NBAS: variants seen among roughly 807,000 people sequenced by gnomAD.
NBAS encodes NBAS subunit of NRZ tethering complex.
In NBAS, 219 loss-of-function variants were observed where a neutral mutation model predicts 302.5. That is an observed-to-expected ratio of 0.72 (90% CI 0.65 to 0.81). The LOEUF (loss-of-function observed/expected upper bound fraction) is 0.81, where lower values mean the gene tolerates loss of function less well. Among genes scored for constraint, NBAS ranks in the 30% least tolerant of loss-of-function variants. The pLI, the probability that NBAS is intolerant of heterozygous loss-of-function variation, is 0.00. For synonymous variants in NBAS, 1,118 were observed against 1,021.6 expected (o/e 1.09, Z -1.80); for missense variants, 2,932 against 2,841.6 (o/e 1.03, Z -0.72).
chr2:15,034,805 G>A, the NBAS span, among the ~76,000 whole-genome samples: 6 of 152,096 alleles, frequency 3.9e-5, no homozygotes, highest in African/African-American at 1.2e-4. Flanking sequence ...AACCACTTCT[G>A]TAATACCAGC....
At chr2:14,925,625 AT>A in the NBAS span, among the ~76,000 whole-genome samples, 1 of 152,128 alleles carries the variant, frequency 6.6e-6, no homozygotes, top group Non-Finnish European at 1.5e-5. Flanking sequence ...TCATGGCAAA[AT>A]TGCATTCATC....
At chr2:15,510,257 C>G (rs898977018) in intron 10 of NBAS, among the ~76,000 whole-genome samples, 23 of 152,198 alleles carry the variant, frequency 1.5e-4, no homozygotes, top group African/African-American at 5.5e-4. Flanking sequence ...TTTTTCACAT[C>G]TTTCTGGACA....
At chr2:15,528,418 T>C (rs997268262) in intron 9 of NBAS, among the ~76,000 whole-genome samples, 11 of 147,914 alleles carry the variant, frequency 7.4e-5, no homozygotes, top group Non-Finnish European at 1.3e-4. Flanking sequence ...ATTATTTATA[T>C]TATGTTTATA....
chr2:15,299,320 T>C (rs1021502590), intron 40 of NBAS, among the ~76,000 whole-genome samples: 1 of 152,212 alleles, frequency 6.6e-6, no homozygotes, highest in Non-Finnish European at 1.5e-5. Context: ...TATGATTTCT[T>C]TAAAGAATAT....
At chr2:15,219,800 C>G (rs1431570689) in intron 47 of NBAS, among the ~76,000 whole-genome samples, 1 of 140,304 alleles carries the variant, frequency 7.1e-6, no homozygotes, top group Non-Finnish European at 1.6e-5. Context: ...TCCACAAAAC[C>G]GCCATTGTCA....
At chr2:14,796,695 T>C in the NBAS span, among the ~76,000 whole-genome samples, 6 of 152,014 alleles carry the variant, frequency 3.9e-5, no homozygotes, top group South Asian at 1.2e-3. Flanking sequence ...AAAAACAAGC[T>C]GCTGGTTCCA....
chr2:15,196,814 T>C (rs1665645531), intron 48 of NBAS, among the ~76,000 whole-genome samples: 1 of 149,014 alleles, frequency 6.7e-6, no homozygotes, highest in Non-Finnish European at 1.5e-5. Context: ...GTTTTCATAA[T>C]TGGAGGTTTC....
intron 48 of NBAS, among the ~76,000 whole-genome samples, chr2:15,206,025 G>C (rs1018044489): frequency 5.9e-5 from 9 of 152,144 alleles, no homozygotes; most frequent in Non-Finnish European, 1.3e-4. Context: ...CTGGGTAATG[G>C]GTAGAGGTTG....
At chr2:15,091,375 C>T in the NBAS span, among the ~76,000 whole-genome samples, 2 of 152,110 alleles carry the variant, frequency 1.3e-5, no homozygotes, top group Non-Finnish European at 2.9e-5. Flanking sequence ...CCTCTTTTTC[C>T]TCCTTCTCAG....
intron 11 of NBAS, among the ~76,000 whole-genome samples, chr2:15,493,658 C>T (rs911858084): frequency 1.4e-4 from 21 of 149,902 alleles, no homozygotes; most frequent in African/African-American, 4.9e-4. Flanking sequence ...CACAGCAAGA[C>T]TCTGGCTCAA....
chr2:15,465,432 A>G (rs1679682076), intron 19 of NBAS, among the ~76,000 whole-genome samples: 1 of 152,178 alleles, frequency 6.6e-6, no homozygotes, highest in South Asian at 2.1e-4. Flanking sequence ...ATGCCTATAC[A>G]ATGTGAACTC....
chr2:15,435,009 A>C (rs760593065), intron 21 of NBAS, among the ~76,000 whole-genome samples: 16 of 152,338 alleles, frequency 1.1e-4, no homozygotes, highest in Non-Finnish European at 1.6e-4. Flanking sequence ...GACCCTGACA[A>C]ATAGCCTTTA....
At chr2:15,418,592 T>G (rs1677057399) in intron 23 of NBAS, among the ~76,000 whole-genome samples, 1 of 152,192 alleles carries the variant, frequency 6.6e-6, no homozygotes, top group Admixed American at 6.5e-5. Context: ...GTGCTGTGTA[T>G]GATGCGGATC....
At chr2:15,337,998 T>C (rs566965590) in intron 35 of NBAS, among the ~76,000 whole-genome samples, 1 of 152,252 alleles carries the variant, frequency 6.6e-6, no homozygotes, top group African/African-American at 2.4e-5. Context: ...TAACATGAAA[T>C]CTCATTAATG....
intron 1 of NBAS, 56 bp downstream of exon 1, chr2:15,561,132 C>G: frequency 6.7e-7 from 1 of 1,494,540 alleles, no homozygotes; most frequent in South Asian, 1.1e-5. Context: ...CTACGTGGCT[C>G]TACCCACGAA....
chr2:15,443,975 T>G (rs1678586188), intron 21 of NBAS, among the ~76,000 whole-genome samples: 1 of 151,696 alleles, frequency 6.6e-6, no homozygotes, highest in Admixed American at 6.6e-5. Flanking sequence ...CAAGGAGAAC[T>G]ACAAACCACT....
intron 11 of NBAS, among the ~76,000 whole-genome samples, chr2:15,493,367 C>T (rs2148619222): frequency 6.6e-6 from 1 of 152,208 alleles, no homozygotes; most frequent in South Asian, 2.1e-4. Flanking sequence ...AACTACATAT[C>T]ACAATAAAAG....
intron 38 of NBAS, among the ~76,000 whole-genome samples, chr2:15,321,785 T>C (rs1001745937): frequency 2.6e-5 from 4 of 152,174 alleles, no homozygotes; most frequent in Non-Finnish European, 5.9e-5. Flanking sequence ...TTTTACACTG[T>C]TGGTAGGAGT....
the NBAS span, among the ~76,000 whole-genome samples, chr2:14,934,148 T>G: frequency 1.3e-5 from 2 of 152,202 alleles, no homozygotes; most frequent in Non-Finnish European, 2.9e-5. Context: ...ATAATGTTTA[T>G]GTTATCAGGG....
Sources: allele counts gnomAD v4.1 joint callset (sites outside exome capture counted in the v4.1 genomes callset), GRCh38; gene constraint gnomAD v4.1.1; transcripts MANE v1.5; gene names NCBI Gene and HGNC (gene_info 2026-07-23, HGNC 2026-07-21).